Variants in PAK6 observed in about 807,000 individuals in gnomAD.
PAK6 encodes the protein serine/threonine-protein kinase PAK 6.
In PAK6, 33 loss-of-function variants were observed where a neutral mutation model predicts 60.8. That is an observed-to-expected ratio of 0.54 (90% CI 0.41 to 0.73). PAK6 has a LOEUF of 0.73. PAK6 is among the 30% of genes least tolerant of loss of function. PAK6 has a pLI of 0.00. For synonymous variants in PAK6, 404 were observed against 378.5 expected, an observed-to-expected ratio of 1.07 and a Z score of -0.78; for missense variants, 845 against 904.1, an observed-to-expected ratio of 0.93 and a Z score of 0.84.
At chr15:40,261,666 TCAC>T (rs2038989633) in intron 3 of PAK6, among the ~76,000 whole-genome samples, 1 of 152,228 alleles carries the variant, frequency 6.6e-6, no homozygotes, top group Non-Finnish European at 1.5e-5. Context: ...AGTGTTGGCC[TCAC>T]CACATTTCAG....
At chr15:40,275,075 T>C (rs1481927012) in intron 10 of PAK6, among the ~76,000 whole-genome samples, 2 of 152,164 alleles carry the variant, frequency 1.3e-5, no homozygotes, top group African/African-American at 2.4e-5. Flanking sequence ...AGATCTCCAG[T>C]TGGCTAATTC....
chr15:40,247,561 G>A (rs1275405964), intron 2 of PAK6, among the ~76,000 whole-genome samples: 3 of 152,182 alleles, frequency 2.0e-5, no homozygotes, highest in Non-Finnish European at 4.4e-5. Context: ...GTTTGGGGAG[G>A]ATGGTTTTAT....
At chr15:40,252,261 G>C (rs754536400) in intron 2 of PAK6, 7 of 1,198,948 alleles carry the variant, frequency 5.8e-6, no homozygotes, top group Non-Finnish European at 7.4e-6. Flanking sequence ...GCCAGTGAAC[G>C]AGGTGATTAC....
intron 2 of PAK6, among the ~76,000 whole-genome samples, chr15:40,249,563 G>A (rs541074179): frequency 2.2e-4 from 33 of 152,298 alleles, no homozygotes; most frequent in African/African-American, 4.3e-4. Flanking sequence ...GGGCTGAGTC[G>A]CCCAGAGGAA....
intron 2 of PAK6, among the ~76,000 whole-genome samples, chr15:40,248,223 A>G (rs553397348): frequency 6.6e-6 from 1 of 152,114 alleles, no homozygotes; most frequent in Non-Finnish European, 1.5e-5. Flanking sequence ...CCCTCGGCTC[A>G]CACTTCCAGA....
chr15:40,261,733 A>G (rs2038991190), intron 3 of PAK6, among the ~76,000 whole-genome samples: 2 of 151,978 alleles, frequency 1.3e-5, no homozygotes, highest in Non-Finnish European at 2.9e-5. Flanking sequence ...TTCCAGACCT[A>G]AGTGATGGCC....
At chr15:40,246,738 T>G (rs1416540021) in intron 2 of PAK6, 1 of 152,328 alleles carries the variant, frequency 6.6e-6, no homozygotes, top group Non-Finnish European at 1.5e-5. Flanking sequence ...GTCAAGGGGT[T>G]CTGTCCGGTG....
chr15:40,272,423 G>A (rs1303293188), exon 6 of PAK6: 19 of 1,613,408 alleles, frequency 1.2e-5, no homozygotes, highest in Middle Eastern at 3.3e-4. Context: ...GGATCCCCCC[G>A]CACCTGGCAC....
At chr15:40,257,568 A>G (rs2038871483) in intron 3 of PAK6, among the ~76,000 whole-genome samples, 1 of 152,212 alleles carries the variant, frequency 6.6e-6, no homozygotes, top group Non-Finnish European at 1.5e-5. Context: ...CCCAAAGAGG[A>G]GTTCTGGAAA....
intron 3 of PAK6, among the ~76,000 whole-genome samples, chr15:40,253,511 A>T (rs989777413): frequency 1.3e-5 from 2 of 152,244 alleles, no homozygotes; most frequent in Non-Finnish European, 1.5e-5. Flanking sequence ...GTAGGCTGGT[A>T]GACGTCAAGA....
intron 3 of PAK6, among the ~76,000 whole-genome samples, 155 bp downstream of exon 3, chr15:40,253,444 C>T (rs2038746234): frequency 6.6e-6 from 1 of 152,256 alleles, no homozygotes; most frequent in African/African-American, 2.4e-5. Context: ...TGCCGTCTCT[C>T]GATCCTTAGT....
intron 2 of PAK6, among the ~76,000 whole-genome samples, chr15:40,248,229 C>G (rs1041350427): frequency 6.6e-6 from 1 of 152,196 alleles, no homozygotes; most frequent in African/African-American, 2.4e-5. Flanking sequence ...GCTCACACTT[C>G]CAGATGCTCG....
chr15:40,273,214 T>C (rs369870322), intron 7 of PAK6, 132 bp from the exon 8 acceptor site: 1 of 1,231,104 alleles, frequency 8.1e-7, no homozygotes, highest in Non-Finnish European at 1.1e-6. Flanking sequence ...GGCTATGGCC[T>C]GACTGTGCTG....
intron 2 of PAK6, among the ~76,000 whole-genome samples, chr15:40,242,316 C>T (rs1190113541): frequency 6.6e-6 from 1 of 152,224 alleles, no homozygotes; most frequent in Admixed American, 6.5e-5. Context: ...ATGCCCACCG[C>T]ACACAGTGTC....
chr15:40,267,754 G>C (rs1021008755), intron 5 of PAK6, among the ~76,000 whole-genome samples: 1 of 152,242 alleles, frequency 6.6e-6, no homozygotes, highest in African/African-American at 2.4e-5. Context: ...GTTGTGGCTT[G>C]ATGTATCTGT....
In PAK6 at chr15:40,263,489, A is replaced by G. The variant is rs76340320; in HGVS notation, c.-5-1292A>G. Among the ~76,000 whole-genome samples, 3 of 150,568 alleles carry G rather than the reference A, an allele frequency of 2.0e-5. No homozygotes were observed. In the East Asian group the frequency reaches 5.8e-4, roughly 29 times the overall value. Reference sequence around the variant, plus strand: ...CCCCTTCCCAGGCCCCCAGTTCCCCACTCTCAGATCTACCCATGCTATCCA... The same window carrying G: ...CCCCTTCCCAGGCCCCCAGTTCCCCGCTCTCAGATCTACCCATGCTATCCA... On this transcript the variant is annotated intron_variant, in intron 3 of 10. Coordinates refer to ENST00000560346, the Ensembl canonical transcript of PAK6.
intron 4 of PAK6, among the ~76,000 whole-genome samples, chr15:40,265,622 G>A (rs1484445713): frequency 2.0e-5 from 3 of 152,226 alleles, no homozygotes; most frequent in Admixed American, 1.3e-4. Context: ...CTCTGCTGAC[G>A]CTGGGCCTTC....
At chr15:40,273,643 T>C (rs1385559454) in exon 9 of PAK6, 1 of 1,613,968 alleles carries the variant, frequency 6.2e-7, no homozygotes, top group African/African-American at 1.3e-5. Context: ...GGATGGCTCC[T>C]GAAGTGATCT....
At chr15:40,255,390 G>C (rs529117184) in intron 3 of PAK6, among the ~76,000 whole-genome samples, 1 of 152,286 alleles carries the variant, frequency 6.6e-6, no homozygotes, top group African/African-American at 2.4e-5. Context: ...GTCTGCCCTG[G>C]CCCATGCTGC....
Sources: allele counts gnomAD v4.1 joint callset (sites outside exome capture counted in the v4.1 genomes callset), GRCh38; gene constraint gnomAD v4.1.1; transcripts MANE v1.5; gene names NCBI Gene and HGNC (gene_info 2026-07-23, HGNC 2026-07-21).